IFIT5: variants seen among roughly 807,000 people sequenced by gnomAD.
The protein encoded by IFIT5 is interferon induced protein with tetratricopeptide repeats 5, also known as interferon-induced protein with tetratricopeptide repeats 5.
A neutral mutation model predicts 5.0 loss-of-function variants in IFIT5; 2 were observed. The observed-to-expected ratio is 0.40, with a 90% CI of 0.16 to 1.26. The LOEUF (loss-of-function observed/expected upper bound fraction) is 1.26. Among genes scored for constraint, IFIT5 ranks in the 50% most tolerant of loss-of-function variants. IFIT5 has a pLI of 0.33. For synonymous variants in IFIT5, 206 were observed against 204.6 expected (o/e 1.01, Z -0.06); for missense variants, 524 against 563.2 (o/e 0.93, Z 0.70).
chr10:89,414,779 G>C lies in IFIT5; in HGVS notation c.-20G>C, dbSNP rs1564816371. ...TCCGAGGGACTGCGCCGCCCGGACG[G>C]CCTGCAGAGCGCTGCCATCATGAGG... On this transcript the variant is annotated 5_prime_UTR_variant, in exon 1 of 2. Coordinates refer to ENST00000371795, the MANE Select transcript of IFIT5 (RefSeq NM_012420.3). 6 of 1,608,116 alleles carry C rather than the reference G, an allele frequency of 3.7e-6. No individual in the cohort carries two copies. Among genetic ancestry groups the C allele is most frequent in the Non-Finnish European group, 5.1e-6 (6 of 1,177,826 alleles).
Position 89,417,544 on chromosome 10 carries a change from G to A in IFIT5, c.345G>A (p.Lys115=), listed in dbSNP as rs770601620. 6.2e-7 allele frequency: 1 copy of A among 1,614,226 alleles called. No individual in the cohort carries two copies. Among genetic ancestry groups the A allele is most frequent in the Non-Finnish European group, 8.5e-7 (1 of 1,180,030 alleles). The part of the protein sequence containing the change: ...YHMDQLEEAQ[K]YTGKIGNVCK... ...TGGACCAGCTTGAAGAAGCTCAGAA[G>A]TATACAGGTAAGATAGGGAATGTCT... Residue 115 remains lysine (K), a synonymous_variant, in exon 2 of 2, where the codon AAG becomes AAA. Coordinates refer to ENST00000371795, the MANE Select transcript of IFIT5 (RefSeq NM_012420.3).
chr10:89,417,126 T>C (rs915194993), intron 1 of IFIT5, 79 bp from the exon 2 acceptor site: 3 of 1,226,462 alleles, frequency 2.4e-6, no homozygotes, highest in Non-Finnish European at 3.3e-6. Flanking sequence ...TTAGTTGTTA[T>C]GCAAAGAACA....
intron 1 of IFIT5, among the ~76,000 whole-genome samples, chr10:89,415,123 C>A (rs1427906071): frequency 6.6e-6 from 1 of 152,192 alleles, no homozygotes; most frequent in Admixed American, 6.5e-5. Context: ...CTGGCGTCTG[C>A]GGTCGGGACT....
rs1474761602 is a variant in IFIT5 at position 89,420,323 on chromosome 10, G to T, written c.*1675G>T. On this transcript the variant is annotated 3_prime_UTR_variant, in exon 2 of 2. Transcript: ENST00000371795. Reference sequence around the variant, plus strand: ...TCAAGAATTTCAGAAAGTCAGCACTGAAGTCCTGACCTATCAGTAGACACA... The same window carrying T: ...TCAAGAATTTCAGAAAGTCAGCACTTAAGTCCTGACCTATCAGTAGACACA... The T allele has an allele frequency of 2.0e-5, 3 of 152,144 alleles. No homozygotes were observed. The highest frequency in any genetic ancestry group is 7.2e-5 in the African/African-American group (3 of 41,418). The allele number at this position is 152,144 out of a possible 1,614,324, so 9.4% of individuals were successfully genotyped here. A position where few individuals can be genotyped will look rare whatever the true frequency, so the allele number is the denominator to read the frequency against.
At chr10:89,416,647 C>A (rs1023065250) in intron 1 of IFIT5, among the ~76,000 whole-genome samples, 1 of 152,240 alleles carries the variant, frequency 6.6e-6, no homozygotes, top group Admixed American at 6.5e-5. Context: ...ACCTGAGCAG[C>A]CCTCCTCATC....
In IFIT5 at chr10:89,414,730, T is replaced by TAGG. The variant is rs1841511909; in HGVS notation, c.-69_-68insAGG. On this transcript the variant is annotated 5_prime_UTR_variant, in exon 1 of 2. Transcript: ENST00000371795. The stretch of plus-strand genomic sequence containing the variant: ...ACGCCCACCGCGCGGCTTCCCGCGG[T>TAGG]CCCCGGTGCTGAGGAGAGAGCGATC... 36 of 1,558,580 alleles carry TAGG rather than the reference T, an allele frequency of 2.3e-5. No homozygotes were observed. The highest frequency in any genetic ancestry group is 1.4e-4 in the Admixed American group (7 of 50,878).
chr10:89,417,386 C>A lies in IFIT5; in HGVS notation c.187C>A (p.Leu63Ile). 1 of 1,614,068 alleles carries A rather than the reference C, an allele frequency of 6.2e-7. No homozygotes were observed. Among genetic ancestry groups the A allele is most frequent in the East Asian group, 2.2e-5 (1 of 44,882 alleles). ...TAACCTATTGGCCTATGTGAAACAC[C>A]TAAAAGGCCAAAATAAAGACGCCCT... Reference protein sequence around the residue: ...LYNLLAYVKHLKGQNKDALEC... With the variant: ...LYNLLAYVKHIKGQNKDALEC... Residue 63 changes from leucine to isoleucine, a missense_variant, in exon 2 of 2, where the codon CTA becomes ATA. Leu to Ile is a conservative substitution (Grantham distance 5, BLOSUM62 2). Coordinates refer to ENST00000371795, the MANE Select transcript of IFIT5 (RefSeq NM_012420.3).
intron 1 of IFIT5, 73 bp downstream of exon 1, chr10:89,414,876 A>G: frequency 6.4e-7 from 1 of 1,567,130 alleles, no homozygotes; most frequent in Non-Finnish European, 8.7e-7. Context: ...GCTTTTATTC[A>G]TTTCCAGCGC....
chr10:89,415,776 G>T (rs905294448), intron 1 of IFIT5, among the ~76,000 whole-genome samples: 1 of 152,050 alleles, frequency 6.6e-6, no homozygotes, highest in Non-Finnish European at 1.5e-5. Flanking sequence ...TTCCTTATTT[G>T]TAAAAATTAA....
In IFIT5 at chr10:89,418,846, T is replaced by A; in HGVS notation, c.*198T>A. The A allele has an allele frequency of 2.1e-6, 1 of 482,012 alleles. No homozygotes were observed. Among genetic ancestry groups the A allele is most frequent in the Non-Finnish European group, 3.5e-6 (1 of 285,278 alleles). The allele number at this position is 482,012 out of a possible 1,614,324, so 29.9% of individuals were successfully genotyped here. ...GCGGTTTTCTTTCTTTTTTTCTTTTTAATTAAAATACTATAATCCATTGAG... is the reference window on the plus strand; with the variant it reads ...GCGGTTTTCTTTCTTTTTTTCTTTTAAATTAAAATACTATAATCCATTGAG... On this transcript the variant is annotated 3_prime_UTR_variant, in exon 2 of 2. Coordinates refer to ENST00000371795, the MANE Select transcript of IFIT5 (RefSeq NM_012420.3).
At chr10:89,415,353 C>A (rs1308543285) in intron 1 of IFIT5, among the ~76,000 whole-genome samples, 1 of 152,220 alleles carries the variant, frequency 6.6e-6, no homozygotes, top group Non-Finnish European at 1.5e-5. Flanking sequence ...TTTCCAGCTG[C>A]CATTCCCTCG....
intron 1 of IFIT5, among the ~76,000 whole-genome samples, chr10:89,416,269 G>GACAACAACAACAACAACAAA (rs1841537113): frequency 7.5e-6 from 1 of 133,968 alleles, no homozygotes; most frequent in South Asian, 2.4e-4. Context: ...GAAGGGGCTT[G>GACAACAACAACAACAACAAA]ACAACAACAA....
chr10:89,420,045 A>T lies in IFIT5; in HGVS notation c.*1397A>T, dbSNP rs540117407. The T allele has an allele frequency of 2.6e-5, 4 of 152,214 alleles. No homozygotes were observed. The highest frequency in any genetic ancestry group is 2.1e-4 in the South Asian group (1 of 4,832). The allele number at this position is 152,214 out of a possible 1,614,324, so 9.4% of individuals were successfully genotyped here. A position where few individuals can be genotyped will look rare whatever the true frequency, so the allele number is the denominator to read the frequency against. ...AATTTCAAAAAAAAATTACAAAAGTATGTGAATTTAAAAATGAGAGCAGTC... is the reference window on the plus strand; with the variant it reads ...AATTTCAAAAAAAAATTACAAAAGTTTGTGAATTTAAAAATGAGAGCAGTC... On this transcript the variant is annotated 3_prime_UTR_variant, in exon 2 of 2. Coordinates refer to ENST00000371795, the MANE Select transcript of IFIT5 (RefSeq NM_012420.3).
At position 89,417,286 on chromosome 10, in the gene IFIT5, T is replaced by C. The variant is rs756573844; in HGVS notation, c.87T>C (p.Ile29=). ...HFTWNLLKED[I]DLFEVEDTIG... is the part of the protein sequence containing the mutation. ...CATGGAATTTACTTAAGGAAGACAT[T>C]GATCTGTTTGAGGTAGAAGATACAA... is the stretch of plus-strand genomic sequence containing the variant. Residue 29 remains isoleucine, a synonymous_variant, in exon 2 of 2, where the codon ATT becomes ATC. Transcript: ENST00000371795. 53 of 1,614,124 alleles carry C rather than the reference T, an allele frequency of 3.3e-5. No homozygotes were observed. In the Middle Eastern group the frequency reaches 4.9e-4, roughly 15 times the overall value.
rs1841560567 is a variant in IFIT5 at position 89,418,099 on chromosome 10, C to A, written c.900C>A (p.Ile300=). 1 of 1,614,162 alleles carries A rather than the reference C, an allele frequency of 6.2e-7. No individual in the cohort carries two copies. The highest frequency in any genetic ancestry group is 2.2e-5 in the East Asian group (1 of 44,882). The part of the protein sequence containing the change: ...GLCYRAQMIQ[I]KKATHNRPKG... Reference sequence around the variant, plus strand: ...GCTACAGGGCACAAATGATCCAAATCAAGAAGGCCACACACAACAGACCTA... The same window carrying A: ...GCTACAGGGCACAAATGATCCAAATAAAGAAGGCCACACACAACAGACCTA... Residue 300 remains isoleucine (I), a synonymous_variant, in exon 2 of 2, where the codon ATC becomes ATA. Coordinates refer to ENST00000371795, the MANE Select transcript of IFIT5 (RefSeq NM_012420.3).
In IFIT5 at chr10:89,418,772, G is replaced by A; in HGVS notation, c.*124G>A. The A allele has an allele frequency of 1.0e-6, 1 of 982,588 alleles. No homozygotes were observed. The highest frequency in any genetic ancestry group is 1.5e-6 in the Non-Finnish European group (1 of 677,596). 60.9% of individuals were successfully genotyped at this position (982,588 alleles called of 1,614,324 possible). A position where few individuals can be genotyped will look rare whatever the true frequency, so the allele number is the denominator to read the frequency against. ...CTAATATTTATTGAATAGTTATTGT[G>A]TACCAAGCATTGTGCTAAATACTTT... On this transcript the variant is annotated 3_prime_UTR_variant, in exon 2 of 2. Coordinates refer to ENST00000371795, the MANE Select transcript of IFIT5 (RefSeq NM_012420.3).
At chr10:89,415,538 T>A (rs1268270179) in intron 1 of IFIT5, among the ~76,000 whole-genome samples, 1 of 152,218 alleles carries the variant, frequency 6.6e-6, no homozygotes, top group Non-Finnish European at 1.5e-5. Context: ...TTTCTTTATC[T>A]GTTTCCTTTA....
rs1183985904 is a variant in IFIT5 at position 89,419,381 on chromosome 10, CAAAT to C, written c.*734_*737del. Reference sequence around the variant, plus strand: ...GTTCTCTTTTTTTTTTTAACTAAAACAAATCTGCAATGAATCTAGATGCAATTAA... The same window carrying C: ...GTTCTCTTTTTTTTTTTAACTAAAACCTGCAATGAATCTAGATGCAATTAA... On this transcript the variant is annotated 3_prime_UTR_variant, in exon 2 of 2. Coordinates refer to ENST00000371795, the MANE Select transcript of IFIT5 (RefSeq NM_012420.3). 3.4e-5 allele frequency: 1 copy of C among 29,610 alleles called. No homozygotes were observed. The highest frequency in any genetic ancestry group is 2.6e-4 in the African/African-American group (1 of 3,874). The allele number at this position is 29,610 out of a possible 1,614,324, so 1.8% of individuals were successfully genotyped here.
chr10:89,418,523 G>C lies in IFIT5; in HGVS notation c.1324G>C (p.Gly442Arg). 6.2e-7 allele frequency: 1 copy of C among 1,614,160 alleles called. No homozygotes were observed. The highest frequency in any genetic ancestry group is 8.5e-7 in the Non-Finnish European group (1 of 1,180,010). ...AGATGTGCAGAGTTTAAGTGCCCTAGGGTTTGTTTACAAGCTGGAAGGAGA... is the reference window on the plus strand; with the variant it reads ...AGATGTGCAGAGTTTAAGTGCCCTACGGTTTGTTTACAAGCTGGAAGGAGA... ...ALDVQSLSAL[G>R]FVYKLEGEKR... Residue 442 changes from glycine to arginine, a missense_variant, in exon 2 of 2, where the codon GGG becomes CGG. Gly to Arg is a moderately radical substitution (Grantham distance 125). Transcript: ENST00000371795.
Sources: gnomAD v4.1 joint callset for allele counts (sites outside exome capture counted in the v4.1 genomes callset) on GRCh38, gnomAD v4.1.1 for gene constraint, MANE v1.5 for transcripts, NCBI Gene and HGNC (gene_info 2026-07-23, HGNC 2026-07-21) for gene names.